The following POR variants were observed in gnomAD, a reference collection of about 807,000 sequenced individuals.
The protein encoded by POR is NADPH--cytochrome P450 reductase.
A neutral mutation model predicts 84.0 loss-of-function variants in POR; 56 were observed. That is an observed-to-expected ratio of 0.67 (90% CI 0.54 to 0.83). POR has a LOEUF of 0.83. Among genes scored for constraint, POR ranks in the 40% least tolerant of loss-of-function variants. The pLI is 0.00. For missense variants in POR, 938 were observed against 944.3 expected (o/e 0.99, Z 0.09); for synonymous variants, 414 against 400.5 (o/e 1.03, Z -0.40).
At chr7:75,920,480 C>T (rs1236596562) in intron 1 of POR, among the ~76,000 whole-genome samples, 3 of 152,212 alleles carry the variant, frequency 2.0e-5, no homozygotes, top group East Asian at 1.9e-4. Context: ...CATTGTGGGG[C>T]GTGTCCTCTA....
chr7:75,986,671 G>T lies in POR; in HGVS notation c.*190G>T. ...AGGTGAGGTCCACCGGCCCCTGGCA[G>T]CACAGCCCAGGGCCTGCATGGGGGC... is the stretch of plus-strand genomic sequence containing the variant. On this transcript the variant is annotated 3_prime_UTR_variant, in exon 16 of 16. Coordinates refer to ENST00000461988, the MANE Select transcript of POR (RefSeq NM_000941.3). 1.4e-6 allele frequency: 1 copy of T among 706,308 alleles called. No homozygotes were observed. Among genetic ancestry groups the T allele is most frequent in the Admixed American group, 2.9e-5 (1 of 34,662 alleles). 43.8% of individuals were successfully genotyped at this position (706,308 alleles called of 1,614,324 possible). A position where few individuals can be genotyped will look rare whatever the true frequency, so the allele number is the denominator to read the frequency against.
intron 2 of POR, among the ~76,000 whole-genome samples, chr7:75,960,634 C>T (rs1787894812): frequency 6.6e-6 from 1 of 152,120 alleles, no homozygotes. Context: ...CTCCTGTGGG[C>T]TCTCTCTCCT....
chr7:75,933,446 T>C (rs1807523252), intron 1 of POR, among the ~76,000 whole-genome samples: 1 of 138,504 alleles, frequency 7.2e-6, no homozygotes, highest in Non-Finnish European at 1.5e-5. Flanking sequence ...TGGAGTGCAA[T>C]GGCGCGATCT....
At chr7:75,925,486 C>T (rs917503231) in intron 1 of POR, among the ~76,000 whole-genome samples, 9 of 152,158 alleles carry the variant, frequency 5.9e-5, no homozygotes, top group Admixed American at 2.6e-4. Flanking sequence ...GATTGCACCA[C>T]GACACTGCAG....
chr7:75,970,595 C>T (rs1377439349), intron 2 of POR, among the ~76,000 whole-genome samples: 2 of 151,916 alleles, frequency 1.3e-5, no homozygotes, highest in African/African-American at 4.8e-5. Context: ...GATCCTCCCA[C>T]CTTGGTTTCC....
intron 1 of POR, among the ~76,000 whole-genome samples, chr7:75,937,029 G>T (rs1214370466): frequency 6.6e-6 from 1 of 151,064 alleles, no homozygotes; most frequent in African/African-American, 2.4e-5. Flanking sequence ...GGGTTTCACC[G>T]TGCTAGCCAG....
At chr7:75,985,474 G>T in intron 12 of POR, 105 bp from the exon 13 acceptor site, 1 of 1,363,688 alleles carries the variant, frequency 7.3e-7, no homozygotes. Context: ...AGGTGGGCTG[G>T]AAGAGGCCCT....
At chr7:75,973,984 G>C (rs1788559385) in intron 3 of POR, among the ~76,000 whole-genome samples, 1 of 151,138 alleles carries the variant, frequency 6.6e-6, no homozygotes, top group Admixed American at 6.6e-5. Context: ...GGCTGACCTT[G>C]CTTTAAAAAA....
intron 1 of POR, among the ~76,000 whole-genome samples, chr7:75,927,361 TTGG>T (rs1807180741): frequency 6.6e-6 from 1 of 151,732 alleles, no homozygotes; most frequent in African/African-American, 2.4e-5. Flanking sequence ...TTAATGGGGC[TTGG>T]TGGTGGGTGC....
intron 3 of POR, among the ~76,000 whole-genome samples, chr7:75,977,685 C>T (rs1585125311): frequency 6.6e-6 from 1 of 151,944 alleles, no homozygotes; most frequent in Non-Finnish European, 1.5e-5. Context: ...GGCTGAGGCA[C>T]GAGAATTGCT....
intron 1 of POR, among the ~76,000 whole-genome samples, chr7:75,916,857 T>C (rs1806592957): frequency 1.3e-5 from 2 of 152,068 alleles, no homozygotes; most frequent in African/African-American, 4.8e-5. Flanking sequence ...CAGAGGATGT[T>C]TGCTGCCAGA....
Position 75,961,491 on chromosome 7 carries a change from G to A in POR, c.188+7311G>A, listed in dbSNP as rs562694235. On this transcript the variant is annotated intron_variant, in intron 2 of 15. Transcript: ENST00000461988. ...TGCACCTGTGCTTTGCTCCTGGAAT[G>A]CTAGAGTGCTTTAAAGAAAAATAAA... is the stretch of plus-strand genomic sequence containing the variant. Among the ~76,000 whole-genome samples, 11 of 152,230 alleles carry A rather than the reference G, an allele frequency of 7.2e-5. No individual in the cohort carries two copies. In the South Asian group the frequency reaches 1.9e-3, roughly 26 times the overall value.
chr7:75,986,075 C>T lies in POR; in HGVS notation c.1815+7C>T, dbSNP rs72557951. On this transcript the variant is annotated splice_region_variant and intron_variant, in intron 14 of 15. Transcript: ENST00000461988. ...CCGGGAGCAGTCCCACAAGGTGAGA[C>T]GGGCGGGCACCCACGAAGGTGGGCA... 117 of 1,562,896 alleles carry T rather than the reference C, an allele frequency of 7.5e-5. No homozygotes were observed. The highest frequency in any genetic ancestry group is 4.6e-4 in the East Asian group (19 of 41,640).
At chr7:75,967,903 C>T (rs1052411614) in intron 2 of POR, 27 of 373,754 alleles carry the variant, frequency 7.2e-5, no homozygotes, top group Non-Finnish European at 1.2e-4. Context: ...AGGGAAATTC[C>T]GAGAGGACTT....
At chr7:75,920,212 C>T (rs763401880) in intron 1 of POR, among the ~76,000 whole-genome samples, 12 of 151,716 alleles carry the variant, frequency 7.9e-5, no homozygotes, top group South Asian at 2.1e-4. Context: ...ATTACAGGCG[C>T]GTGCCATCAC....
At chr7:75,934,609 C>A (rs1807581963) in intron 1 of POR, among the ~76,000 whole-genome samples, 1 of 152,170 alleles carries the variant, frequency 6.6e-6, no homozygotes, top group Admixed American at 6.6e-5. Flanking sequence ...ATTTCAGAGA[C>A]CTTCCCGGCA....
chr7:75,951,062 G>GCCCC (rs782347388), intron 1 of POR, among the ~76,000 whole-genome samples: 4 of 14,262 alleles, frequency 2.8e-4, no homozygotes, highest in Non-Finnish European at 3.9e-4. Context: ...CTGTCCCCCG[G>GCCCC]CCCCCCCCCC....
chr7:75,933,727 T>G (rs972343210), intron 1 of POR, among the ~76,000 whole-genome samples: 2 of 152,194 alleles, frequency 1.3e-5, no homozygotes, highest in African/African-American at 4.8e-5. Context: ...ATTTTAACTT[T>G]TTGTTTTGAA....
chr7:75,977,046 T>C (rs2116565305), intron 3 of POR, among the ~76,000 whole-genome samples: 1 of 152,174 alleles, frequency 6.6e-6, no homozygotes, highest in African/African-American at 2.4e-5. Flanking sequence ...AGAGACAGGG[T>C]TTTGCCATGT....
Sources: gnomAD v4.1 joint callset for allele counts (sites outside exome capture counted in the v4.1 genomes callset) on GRCh38, gnomAD v4.1.1 for gene constraint, MANE v1.5 for transcripts, NCBI Gene and HGNC (gene_info 2026-07-23, HGNC 2026-07-21) for gene names.